EFCAB6: variants seen among roughly 807,000 people sequenced by gnomAD.
The protein encoded by EFCAB6 is EF-hand calcium-binding domain-containing protein 6.
Under a neutral mutation model 169.8 loss-of-function variants are expected in EFCAB6, and 156 were observed. The ratio of observed to expected loss-of-function variants is 0.92; its 90% confidence interval spans 0.81 to 1.05. EFCAB6 has a LOEUF of 1.05. Among genes scored for constraint, EFCAB6 ranks in the 50% least tolerant of loss-of-function variants. The pLI is 0.00. For synonymous variants in EFCAB6, 698 were observed against 676.4 expected (o/e 1.03, Z -0.50); for missense variants, 1,800 against 1,829.1 (o/e 0.98, Z 0.29).
intron 27 of EFCAB6, 129 bp from the exon 28 acceptor site, chr22:43,540,486 A>C (rs2047643891): frequency 9.7e-6 from 15 of 1,544,372 alleles, no homozygotes; most frequent in Non-Finnish European, 1.2e-5. Context: ...GTGAAGAAGA[A>C]AATTAAAAAA....
chr22:43,723,995 T>C (rs2401408), intron 8 of EFCAB6, among the ~76,000 whole-genome samples: 118,645 of 152,172 alleles, frequency 0.78, 46,407 homozygotes, highest in East Asian at 0.87. Flanking sequence ...ATGAGTCACT[T>C]AGCCACATCC....
chr22:43,593,081 C>T (rs1016744397), intron 23 of EFCAB6, among the ~76,000 whole-genome samples: 1 of 147,748 alleles, frequency 6.8e-6, no homozygotes, highest in African/African-American at 2.5e-5. Flanking sequence ...AAAAAAAATC[C>T]TGAAAACATT....
At chr22:43,595,798 A>G (rs900897151) in intron 23 of EFCAB6, among the ~76,000 whole-genome samples, 11 of 152,212 alleles carry the variant, frequency 7.2e-5, no homozygotes, top group Non-Finnish European at 1.6e-4. Context: ...ACTACCAAAA[A>G]GAAAACTACA....
intron 26 of EFCAB6, among the ~76,000 whole-genome samples, chr22:43,573,499 A>AGGCT (rs2050028493): frequency 6.6e-6 from 1 of 152,090 alleles, no homozygotes; most frequent in Non-Finnish European, 1.5e-5. Context: ...TGGGAGGCCG[A>AGGCT]GGCTGGTGGA....
At chr22:43,731,983 A>G (rs1478936472) in intron 7 of EFCAB6, among the ~76,000 whole-genome samples, 172 bp from the exon 8 acceptor site, 1 of 151,944 alleles carries the variant, frequency 6.6e-6, no homozygotes, top group African/African-American at 2.4e-5. Flanking sequence ...TTTTTTTTTT[A>G]ATGCAGCTAC....
chr22:43,799,726 C>G (rs1018151683), intron 2 of EFCAB6, among the ~76,000 whole-genome samples: 1 of 152,184 alleles, frequency 6.6e-6, no homozygotes, highest in African/African-American at 2.4e-5. Context: ...AGTAAATATA[C>G]AGTGCCGACA....
At chr22:43,597,145 C>T (rs1402717247) in intron 23 of EFCAB6, among the ~76,000 whole-genome samples, 1 of 152,080 alleles carries the variant, frequency 6.6e-6, no homozygotes, top group Non-Finnish European at 1.5e-5. Flanking sequence ...AACTATGAAA[C>T]TACTAGAATA....
At position 43,677,141 on chromosome 22, in the gene EFCAB6, A is replaced by C. The variant is rs73434209; in HGVS notation, c.1419+855T>G. On this transcript the variant is annotated intron_variant, in intron 13 of 31. Coordinates refer to ENST00000262726, the MANE Select transcript of EFCAB6 (RefSeq NM_022785.4). ...TATCTGAAATTGATAAAGTTCTTAA[A>C]ATTTTTTAAATGCTAATAGCTATTA... Among the ~76,000 whole-genome samples the C allele has an allele frequency of 5.2e-3, 787 of 152,322 alleles. 10 individuals are homozygous for C. Among genetic ancestry groups the C allele is most frequent in the African/African-American group, 0.018 (763 of 41,550 alleles).
intron 27 of EFCAB6, among the ~76,000 whole-genome samples, chr22:43,544,621 T>C (rs1389389429): frequency 1.3e-5 from 2 of 152,152 alleles, no homozygotes; most frequent in African/African-American, 2.4e-5. Context: ...CCTGGTGGGG[T>C]TGGGTTTCTC....
At chr22:43,667,302 G>C (rs752110710) in intron 16 of EFCAB6, 30 bp from the exon 17 acceptor site, 19 of 1,606,662 alleles carry the variant, frequency 1.2e-5, no homozygotes, top group Non-Finnish European at 1.6e-5. Context: ...TTTAGACCCA[G>C]TGTCAACTGA....
intron 2 of EFCAB6, among the ~76,000 whole-genome samples, chr22:43,790,346 A>C (rs565069566): frequency 4.6e-5 from 7 of 152,230 alleles, no homozygotes; most frequent in Non-Finnish European, 1.0e-4. Context: ...GTTTGTGTTC[A>C]CACAGTCAAC....
intron 23 of EFCAB6, 73 bp from the exon 24 acceptor site, chr22:43,590,302 T>A (rs761673480): frequency 2.1e-5 from 32 of 1,535,024 alleles, no homozygotes; most frequent in Non-Finnish European, 2.8e-5. Flanking sequence ...AAACACTGCA[T>A]GATTATTCTA....
At chr22:43,622,215 A>G (rs1199966270) in intron 20 of EFCAB6, among the ~76,000 whole-genome samples, 1 of 152,210 alleles carries the variant, frequency 6.6e-6, no homozygotes, top group Non-Finnish European at 1.5e-5. Context: ...GCTGGTATTC[A>G]TGACTTTTAT....
At chr22:43,770,139 G>C (rs1406591493) in intron 4 of EFCAB6, among the ~76,000 whole-genome samples, 2 of 152,070 alleles carry the variant, frequency 1.3e-5, no homozygotes, top group African/African-American at 4.8e-5. Context: ...CTACAGGCAT[G>C]AGCCACCGTA....
intron 6 of EFCAB6, among the ~76,000 whole-genome samples, chr22:43,740,055 A>T (rs2060312376): frequency 7.3e-6 from 1 of 136,448 alleles, no homozygotes; most frequent in Non-Finnish European, 1.6e-5. Context: ...ACTGCTCCCC[A>T]TGACTGCTCA....
chr22:43,586,258 T>G (rs1020780302), intron 24 of EFCAB6, among the ~76,000 whole-genome samples: 5 of 151,730 alleles, frequency 3.3e-5, no homozygotes, highest in African/African-American at 1.2e-4. Context: ...TTCCTGTACT[T>G]CCCATTAAGT....
At chr22:43,538,817 G>A (rs1299028680) in intron 28 of EFCAB6, among the ~76,000 whole-genome samples, 1 of 152,096 alleles carries the variant, frequency 6.6e-6, no homozygotes, top group Non-Finnish European at 1.5e-5. Context: ...TCCTACTGCT[G>A]CTGTAACAGA....
At chr22:43,804,540 C>T (rs933162444) in intron 2 of EFCAB6, among the ~76,000 whole-genome samples, 23 of 152,048 alleles carry the variant, frequency 1.5e-4, no homozygotes, top group Admixed American at 5.2e-4. Flanking sequence ...TGGAGGATTG[C>T]TTGAGGCCAG....
At chr22:43,610,519 T>C (rs2053227598) in intron 21 of EFCAB6, among the ~76,000 whole-genome samples, 5 of 152,234 alleles carry the variant, frequency 3.3e-5, no homozygotes, top group Admixed American at 3.3e-4. Flanking sequence ...GGAAGTCTGA[T>C]GGTACCAAGT....
Sources: allele counts gnomAD v4.1 joint callset (sites outside exome capture counted in the v4.1 genomes callset), GRCh38; gene constraint gnomAD v4.1.1; transcripts MANE v1.5; gene names NCBI Gene and HGNC (gene_info 2026-07-23, HGNC 2026-07-21).